MYO7A: variants seen among roughly 807,000 people sequenced by gnomAD.
MYO7A encodes myosin VIIA.
In MYO7A, 210 loss-of-function variants were observed where a neutral mutation model predicts 263.8. The ratio of observed to expected loss-of-function variants is 0.80; its 90% confidence interval spans 0.71 to 0.89. The LOEUF (loss-of-function observed/expected upper bound fraction) is 0.89, where lower values mean the gene tolerates loss of function less well. Ranked by LOEUF, MYO7A falls within the 40% of genes least tolerant of loss-of-function variation. The pLI is 0.00. For missense variants in MYO7A, 2,820 were observed against 2,968.3 expected, an observed-to-expected ratio of 0.95 and a Z score of 1.16; for synonymous variants, 1,239 against 1,197.3, an observed-to-expected ratio of 1.03 and a Z score of -0.72.
intron 39 of MYO7A, among the ~76,000 whole-genome samples, 179 bp from the exon 40 acceptor site, chr11:77,205,283 T>G (rs1957368746): frequency 6.6e-6 from 1 of 152,112 alleles, no homozygotes; most frequent in South Asian, 2.1e-4. Flanking sequence ...TGCATCTGGC[T>G]GTCAGGGAGA....
At position 77,166,151 on chromosome 11, in the gene MYO7A, G is replaced by A. The variant is rs782749694; in HGVS notation, c.1786G>A (p.Asp596Asn). Reference sequence around the variant, plus strand: ...GTTCATCAAGCAGATCTTCCAGGCCGATGTCGCCATGGTAAGCCGGGTGCG... The same window carrying A: ...GTTCATCAAGCAGATCTTCCAGGCCAATGTCGCCATGGTAAGCCGGGTGCG... Reference protein sequence around the residue: ...NKFIKQIFQADVAMGAETRKR... With the variant: ...NKFIKQIFQANVAMGAETRKR... Residue 596 changes from aspartate to asparagine, a missense_variant, in exon 15 of 49, where the codon GAT becomes AAT. By Grantham distance (23) the Asp-to-Asn change is conservative. Coordinates refer to ENST00000409709, the MANE Select transcript of MYO7A (RefSeq NM_000260.4). 11 of 1,613,684 alleles carry A rather than the reference G, an allele frequency of 6.8e-6. No homozygotes were observed. The highest frequency in any genetic ancestry group is 3.3e-5 in the Admixed American group (2 of 59,998).
intron 2 of MYO7A, chr11:77,139,618 C>T (rs1305106664): frequency 6.6e-6 from 1 of 152,140 alleles, no homozygotes; most frequent in African/African-American, 2.4e-5. Flanking sequence ...CTACCTGGAG[C>T]CTGGTTCCCC....
At chr11:77,173,887 G>A (rs1310563383) in intron 16 of MYO7A, among the ~76,000 whole-genome samples, 3 of 152,022 alleles carry the variant, frequency 2.0e-5, no homozygotes, top group Admixed American at 6.5e-5. Flanking sequence ...GGGGGTGCAG[G>A]GGACTGACAC....
At chr11:77,156,829 G>A (rs1555062770) in intron 6 of MYO7A, 33 bp from the exon 7 acceptor site, 5 of 1,613,940 alleles carry the variant, frequency 3.1e-6, no homozygotes, top group Non-Finnish European at 4.2e-6. Context: ...GGCGGGAGCG[G>A]GCTTTGCCAG....
chr11:77,139,987 G>A (rs1197846237), intron 2 of MYO7A, among the ~76,000 whole-genome samples: 2 of 152,146 alleles, frequency 1.3e-5, no homozygotes, highest in Non-Finnish European at 2.9e-5. Context: ...GTTTCCTCAA[G>A]TCTGGCCTAG....
Position 77,138,716 on chromosome 11 carries a change from G to T in MYO7A, c.19-3993G>T, listed in dbSNP as rs1565301539. Among the ~76,000 whole-genome samples, 1 of 152,200 alleles carries T rather than the reference G, an allele frequency of 6.6e-6. No homozygotes were observed. Among genetic ancestry groups the T allele is most frequent in the Non-Finnish European group, 1.5e-5 (1 of 68,042 alleles). The stretch of plus-strand genomic sequence containing the variant: ...GATCCAGAGCAGGGAGCACCTCCAG[G>T]TGCACAGAGGGACCCCCAGCCATAG... On this transcript the variant is annotated intron_variant, in intron 2 of 48. Coordinates refer to ENST00000409709, the MANE Select transcript of MYO7A (RefSeq NM_000260.4). The surrounding 1 kb of genome is among the most constrained non-coding windows in gnomAD (Gnocchi z 4.9).
Position 77,157,367 on chromosome 11 carries a change from C to A in MYO7A, c.824C>A (p.Ala275Asp), listed in dbSNP as rs1203404955. ...AAGAAGAAGCTGGGCTTGGGCCAGG[C>A]CTCTGACTACAACTACTTGGCCATG... ...DQKKKLGLGQ[A>D]SDYNYLAMGN... The change falls in exon 8 of 49, where the codon GCC (alanine) becomes GAC (aspartate). Residue 275 changes from alanine to aspartate, a missense_variant. Coordinates refer to ENST00000409709, the MANE Select transcript of MYO7A (RefSeq NM_000260.4). The A allele has an allele frequency of 6.2e-7, 1 of 1,609,898 alleles. No individual in the cohort carries two copies. The highest frequency in any genetic ancestry group is 8.5e-7 in the Non-Finnish European group (1 of 1,178,166).
rs564629281 is a variant in MYO7A, at chr11:77,200,712, C to T, written c.4853-736C>T. ...AATAGCAGAAGCCTGTGCCTTTAAT[C>T]TGTAGCCTGTGGGGAACCTCTTCTC... is the stretch of plus-strand genomic sequence containing the variant. On this transcript the variant is annotated intron_variant, in intron 35 of 48. Coordinates refer to ENST00000409709, the MANE Select transcript of MYO7A (RefSeq NM_000260.4). Among the ~76,000 whole-genome samples the T allele has an allele frequency of 1.7e-4, 26 of 152,370 alleles. No individual in the cohort carries two copies. In the East Asian group the frequency reaches 5.0e-3, roughly 29 times the overall value.
intron 34 of MYO7A, 137 bp from the exon 35 acceptor site, chr11:77,199,398 G>A (rs1956906172): frequency 1.2e-6 from 1 of 862,842 alleles, no homozygotes; most frequent in Admixed American, 3.4e-5. Flanking sequence ...AGTAGGCCGG[G>A]CCACTGTGGG....
At chr11:77,205,409 C>T in intron 39 of MYO7A, 53 bp from the exon 40 acceptor site, 2 of 1,534,192 alleles carry the variant, frequency 1.3e-6, no homozygotes, top group Non-Finnish European at 1.8e-6. Context: ...TGCACAGGTC[C>T]TGTGACTCCC....
At chr11:77,142,362 C>T (rs570862188) in intron 2 of MYO7A, among the ~76,000 whole-genome samples, 1 of 152,314 alleles carries the variant, frequency 6.6e-6, no homozygotes, top group African/African-American at 2.4e-5. Flanking sequence ...TTTGAGTGGT[C>T]TGGTGTTTCT....
chr11:77,204,367 C>T, intron 39 of MYO7A, 138 bp downstream of exon 39: 3 of 1,230,714 alleles, frequency 2.4e-6, no homozygotes, highest in Admixed American at 2.4e-5. Context: ...TCATGGGCCC[C>T]CTCACATCCT....
intron 39 of MYO7A, among the ~76,000 whole-genome samples, chr11:77,204,985 G>T (rs1957344500): frequency 6.6e-6 from 1 of 152,208 alleles, no homozygotes; most frequent in Non-Finnish European, 1.5e-5. Context: ...CCCACTGTCA[G>T]GCCCAAGAAG....
At chr11:77,181,246 C>G (rs1363629062) in intron 22 of MYO7A, 134 bp from the exon 23 acceptor site, 6 of 754,608 alleles carry the variant, frequency 8.0e-6, no homozygotes, top group Non-Finnish European at 1.3e-5. Flanking sequence ...GTCAGAGGCT[C>G]CATTCTTCCC....
chr11:77,179,678 C>A, intron 20 of MYO7A, 57 bp from the exon 21 acceptor site: 1 of 1,444,660 alleles, frequency 6.9e-7, no homozygotes, highest in Non-Finnish European at 9.3e-7. Flanking sequence ...CTCCTGCAGG[C>A]AGGGTCAGTC....
chr11:77,213,252 A>T (rs1957986449), intron 47 of MYO7A, among the ~76,000 whole-genome samples: 1 of 152,160 alleles, frequency 6.6e-6, no homozygotes. Flanking sequence ...ACTCCTTCCT[A>T]TGGAATGTGA....
chr11:77,181,360 G>T lies in MYO7A; in HGVS notation c.2695-20G>T. 6.5e-7 allele frequency: 1 copy of T among 1,545,942 alleles called. No individual in the cohort carries two copies. The highest frequency in any genetic ancestry group is 2.4e-5 in the East Asian group (1 of 41,102). ...ACCGGGGGCTGACCCCGTGTCTTCT[G>T]TGTCACCCCAATTGCCCAGGAGCGC... is the stretch of plus-strand genomic sequence containing the variant. On this transcript the variant is annotated intron_variant, in intron 22 of 48. Coordinates refer to ENST00000409709, the MANE Select transcript of MYO7A (RefSeq NM_000260.4).
Position 77,166,099 on chromosome 11 carries a change from C to T in MYO7A, c.1734C>T (p.Ile578=), listed in dbSNP as rs1555072358. ...GAGACACCCTGCATGGGGACATTATCCAGCTGGTCCACTCCTCCAGGAACA... is the reference window on the plus strand; with the variant it reads ...GAGACACCCTGCATGGGGACATTATTCAGCTGGTCCACTCCTCCAGGAACA... ...KNRDTLHGDI[I]QLVHSSRNKF... Residue 578 remains isoleucine (I), a synonymous_variant, in exon 15 of 49, where the codon ATC becomes ATT. Coordinates refer to ENST00000409709, the MANE Select transcript of MYO7A (RefSeq NM_000260.4). 6.2e-7 allele frequency: 1 copy of T among 1,613,922 alleles called. No individual in the cohort carries two copies. Among genetic ancestry groups the T allele is most frequent in the African/African-American group, 1.3e-5 (1 of 75,030 alleles).
chr11:77,166,079 AC>A lies in MYO7A; in HGVS notation c.1717del (p.Leu573CysfsTer49), dbSNP rs1953513223. On this transcript the variant is annotated frameshift_variant, in exon 15 of 49. Coordinates refer to ENST00000409709, the MANE Select transcript of MYO7A (RefSeq NM_000260.4). LOFTEE classifies it high-confidence loss of function. ...AGGCTTCCTGGAGAAGAACCGAGAC[AC>A]CCTGCATGGGGACATTATCCAGCTG... Reference protein sequence around the residue: ...TQGFLEKNRDTLHGDIIQLVH... With the variant: ...TQGFLEKNRDXLHGDIIQLVH... 3 of 1,613,526 alleles carry A rather than the reference AC, an allele frequency of 1.9e-6. No homozygotes were observed. The highest frequency in any genetic ancestry group is 2.5e-6 in the Non-Finnish European group (3 of 1,179,806).
Sources: gnomAD v4.1 joint callset for allele counts (sites outside exome capture counted in the v4.1 genomes callset) on GRCh38, gnomAD v4.1.1 for gene constraint, Gnocchi (gnomAD v3.1) non-coding constraint, MANE v1.5 for transcripts, NCBI Gene and HGNC (gene_info 2026-07-23, HGNC 2026-07-21) for gene names.